The following NBR1 variants were observed in gnomAD, a reference collection of about 807,000 sequenced individuals.
NBR1 encodes the protein next to BRCA1 gene 1 protein.
In NBR1, 59 loss-of-function variants were observed where a neutral mutation model predicts 115.5. The ratio of observed to expected loss-of-function variants is 0.51; its 90% CI spans 0.41 to 0.63. The LOEUF is 0.63. Among genes scored for constraint, NBR1 ranks in the 30% least tolerant of loss-of-function variants. The pLI, the probability that NBR1 is intolerant of heterozygous loss-of-function variation, is 0.00. For synonymous variants in NBR1, 373 were observed against 414.7 expected (o/e 0.90, Z 1.22); for missense variants, 1,043 against 1,150.5 (o/e 0.91, Z 1.35).
At position 43,209,962 on chromosome 17, in the gene NBR1, G is replaced by C; in HGVS notation, c.2789G>C (p.Cys930Ser). Residue 930 changes from cysteine to serine, a missense_variant, in exon 21 of 21, where the codon TGT (cysteine) becomes TCT (serine). Physicochemically the swap from Cys to Ser is moderately radical, Grantham distance 112. Transcript: ENST00000590996. ...GCCCATCTCTTTGAAATGGGATTCT[G>C]TGACAGGCAGCTGAACCTACGGCTG... is the stretch of plus-strand genomic sequence containing the variant. ...LMAHLFEMGF[C>S]DRQLNLRLLK... 6.2e-7 allele frequency: 1 copy of C among 1,608,374 alleles called. No homozygotes were observed. Among genetic ancestry groups the C allele is most frequent in the Non-Finnish European group, 8.5e-7 (1 of 1,178,084 alleles).
intron 20 of NBR1, among the ~76,000 whole-genome samples, chr17:43,204,527 A>T (rs1456919876): frequency 6.6e-6 from 1 of 151,708 alleles, no homozygotes; most frequent in Non-Finnish European, 1.5e-5. Context: ...TAAAAATTAG[A>T]TAAGTATGGC....
intron 5 of NBR1, among the ~76,000 whole-genome samples, chr17:43,183,296 C>G (rs1220099512): frequency 2.0e-5 from 3 of 151,750 alleles, no homozygotes; most frequent in Non-Finnish European, 4.4e-5. Context: ...CCTTGGCTCA[C>G]TGTAACCTCC....
intron 8 of NBR1, chr17:43,190,091 GCCT>G: frequency 1.2e-5 from 4 of 326,880 alleles, no homozygotes; most frequent in Middle Eastern, 9.7e-4. Flanking sequence ...TGTTCCAAAT[GCCT>G]TTTTTTTTTT....
At chr17:43,194,183 C>A (rs571131259) in intron 12 of NBR1, among the ~76,000 whole-genome samples, 167 bp from the exon 13 acceptor site, 2 of 152,292 alleles carry the variant, frequency 1.3e-5, no homozygotes. Context: ...AATGTGAATT[C>A]TCTCTGCTGT....
In NBR1 at chr17:43,200,218, T is replaced by C; in HGVS notation, c.2078T>C (p.Ile693Thr). Residue 693 changes from isoleucine (I) to threonine (T), a missense_variant, in exon 17 of 21, where the codon ATC becomes ACC. Coordinates refer to ENST00000590996, the MANE Select transcript of NBR1 (RefSeq NM_005899.5). The stretch of plus-strand genomic sequence containing the variant: ...CTTGGAAATGAGAAGGAGGAGATTA[T>C]CCATATCGCTGAGGAAGAAGCTGTC... ...GPLGNEKEEI[I>T]HIAEEEAVME... 6.4e-7 allele frequency: 1 copy of C among 1,551,706 alleles called. No homozygotes were observed. The highest frequency in any genetic ancestry group is 8.7e-7 in the Non-Finnish European group (1 of 1,146,948).
intron 16 of NBR1, among the ~76,000 whole-genome samples, chr17:43,197,324 C>G (rs1265810272): frequency 1.3e-5 from 2 of 152,102 alleles, no homozygotes; most frequent in Non-Finnish European, 1.5e-5. Context: ...TCAAGTCCAT[C>G]CTGGCTAACA....
chr17:43,211,337 G>T lies in NBR1; in HGVS notation c.*1263G>T, dbSNP rs2057412197. ...ATGAACCCCAGACCGAAGGGGAAAA[G>T]ATAGTTAATAGTATTATCTAACCTG... On this transcript the variant is annotated 3_prime_UTR_variant, in exon 21 of 21. Coordinates refer to ENST00000590996, the MANE Select transcript of NBR1 (RefSeq NM_005899.5). The T allele has an allele frequency of 6.6e-6, 1 of 152,624 alleles. No individual in the cohort carries two copies. Among genetic ancestry groups the T allele is most frequent in the South Asian group, 2.1e-4 (1 of 4,828 alleles). The allele number at this position is 152,624 out of a possible 1,614,324, so 9.5% of individuals were successfully genotyped here.
At chr17:43,188,914 C>G (rs1368075625) in intron 6 of NBR1, 128 bp from the exon 7 acceptor site, 2 of 665,342 alleles carry the variant, frequency 3.0e-6, no homozygotes, top group Non-Finnish European at 2.6e-6. Context: ...CGCCTTCATA[C>G]TGTGACTTTT....
chr17:43,170,490 T>C (rs1170267837), upstream of NBR1: 4 of 153,818 alleles, frequency 2.6e-5, no homozygotes, highest in Admixed American at 1.3e-4. Flanking sequence ...CAGTAATTGC[T>C]GTACCAAGGT....
intron 3 of NBR1, among the ~76,000 whole-genome samples, chr17:43,178,804 T>C (rs1403824526): frequency 6.6e-6 from 1 of 150,390 alleles, no homozygotes; most frequent in Non-Finnish European, 1.5e-5. Context: ...GGTCTCACTC[T>C]GTTGCCCAGG....
At chr17:43,200,677 C>G (rs2057178770) in intron 17 of NBR1, 69 bp downstream of exon 17, 1 of 1,403,376 alleles carries the variant, frequency 7.1e-7, no homozygotes. Context: ...TCGACCTGAT[C>G]TCAAAACCTG....
intron 14 of NBR1, chr17:43,196,205 T>TA (rs35166890): frequency 0.24 from 66,412 of 282,114 alleles, 9,103 homozygotes; most frequent in South Asian, 0.41. Context: ...TCCCTCTAGA[T>TA]ACTTGTGTCC....
intron 3 of NBR1, among the ~76,000 whole-genome samples, chr17:43,178,294 C>T (rs2056575276): frequency 6.6e-6 from 1 of 151,630 alleles, no homozygotes; most frequent in African/African-American, 2.4e-5. Flanking sequence ...GCAGTCCTCC[C>T]ACCTCAGCCT....
chr17:43,194,163 G>A (rs1306141922), intron 12 of NBR1, among the ~76,000 whole-genome samples, 187 bp from the exon 13 acceptor site: 1 of 152,192 alleles, frequency 6.6e-6, no homozygotes, highest in Non-Finnish European at 1.5e-5. Flanking sequence ...GTCATTAGGG[G>A]AAGCTGGGGA....
chr17:43,201,915 C>G (rs374319082), intron 18 of NBR1, 135 bp downstream of exon 18: 54 of 616,490 alleles, frequency 8.8e-5, no homozygotes, highest in African/African-American at 7.8e-4. Context: ...CGTGGTGGCT[C>G]ACACCTGTAA....
chr17:43,200,699 G>T, intron 17 of NBR1, 91 bp downstream of exon 17: 1 of 1,156,370 alleles, frequency 8.6e-7, no homozygotes, highest in South Asian at 1.6e-5. Flanking sequence ...TTTTTCCTCA[G>T]TATGGAAAGA....
chr17:43,175,669 G>GTA (rs377274688), intron 1 of NBR1, 122 bp from the exon 2 acceptor site: 1 of 550,828 alleles, frequency 1.8e-6, no homozygotes, highest in African/African-American at 2.0e-5. Context: ...GTTCATTGCT[G>GTA]TCTCCCAAGC....
chr17:43,195,310 T>C, intron 14 of NBR1: 2 of 416,438 alleles, frequency 4.8e-6, no homozygotes, highest in South Asian at 2.6e-5. Flanking sequence ...GAGACCAGCC[T>C]GGGCAACATG....
At chr17:43,174,630 A>G (rs2056460421) in intron 1 of NBR1, among the ~76,000 whole-genome samples, 1 of 151,830 alleles carries the variant, frequency 6.6e-6, no homozygotes, top group Non-Finnish European at 1.5e-5. Context: ...TAAAATAATT[A>G]TATTATTATA....
Sources: allele counts gnomAD v4.1 joint callset (sites outside exome capture counted in the v4.1 genomes callset), GRCh38; gene constraint gnomAD v4.1.1; transcripts MANE v1.5; gene names NCBI Gene and HGNC (gene_info 2026-07-23, HGNC 2026-07-21).